SOX6: variants seen among roughly 807,000 people sequenced by gnomAD.
SOX6 encodes the protein transcription factor SOX-6.
SOX6 carries 11 observed loss-of-function variants against 97.8 expected under a neutral mutation model. That is an observed-to-expected ratio of 0.11 (90% CI 0.07 to 0.19). SOX6 has a LOEUF of 0.19. Among genes scored for constraint, SOX6 ranks in the 10% least tolerant of loss-of-function variants. The pLI is 1.00. For missense variants in SOX6, 810 were observed against 1,039.5 expected (o/e 0.78, Z 3.04); for synonymous variants, 360 against 371.4 (o/e 0.97, Z 0.35).
At chr11:16,013,020 T>C (rs933818391) in intron 13 of SOX6, among the ~76,000 whole-genome samples, 1 of 152,064 alleles carries the variant, frequency 6.6e-6, no homozygotes, top group African/African-American at 2.4e-5. Flanking sequence ...CTTTTTCCTC[T>C]TATATAGTTA....
chr11:16,318,328 C>G, intron 3 of SOX6, 118 bp downstream of exon 3: 1 of 1,089,446 alleles, frequency 9.2e-7, no homozygotes, highest in South Asian at 1.3e-5. Context: ...TAACTTTTTC[C>G]TAGCTAGTGA....
At chr11:16,115,728 C>T (rs1223598036) in intron 6 of SOX6, among the ~76,000 whole-genome samples, 5 of 152,174 alleles carry the variant, frequency 3.3e-5, no homozygotes, top group Admixed American at 2.6e-4. Flanking sequence ...TTTTCCATTA[C>T]ATCAGAGGGA....
intron 1 of SOX6, among the ~76,000 whole-genome samples, chr11:16,423,773 T>C (rs1859067912): frequency 6.6e-6 from 1 of 152,112 alleles, no homozygotes; most frequent in Non-Finnish European, 1.5e-5. Context: ...ATGAGATCCA[T>C]CCATGTAGAG....
intron 15 of SOX6, among the ~76,000 whole-genome samples, chr11:15,978,570 C>T (rs890671038): frequency 2.6e-5 from 4 of 151,320 alleles, no homozygotes; most frequent in East Asian, 2.0e-4. Flanking sequence ...ATCTAAGCAC[C>T]GAAGTCCCCA....
chr11:16,123,648 C>T (rs1369988644), intron 6 of SOX6, among the ~76,000 whole-genome samples: 1 of 151,932 alleles, frequency 6.6e-6, no homozygotes, highest in South Asian at 2.1e-4. Flanking sequence ...TAACCTGCAA[C>T]CCCTGACCTC....
chr11:16,591,733 A>C (rs1848156184), intron 4 of SOX6, among the ~76,000 whole-genome samples: 1 of 152,144 alleles, frequency 6.6e-6, no homozygotes, highest in African/African-American at 2.4e-5. Context: ...ATTGGCAAAA[A>C]CAACTAATTG....
chr11:16,295,186 A>T (rs12291741), intron 3 of SOX6, among the ~76,000 whole-genome samples: 15,451 of 152,094 alleles, frequency 0.1, 825 homozygotes, highest in African/African-American at 0.12. Flanking sequence ...AATTCATCCT[A>T]TGCTATTTTT....
chr11:16,729,529 T>C (rs1238697493), intron 2 of SOX6, among the ~76,000 whole-genome samples: 1 of 152,190 alleles, frequency 6.6e-6, no homozygotes, highest in Non-Finnish European at 1.5e-5. Context: ...AAGCAAATGC[T>C]GAGAGATTTT....
chr11:16,046,991 G>A (rs887208213), intron 11 of SOX6, among the ~76,000 whole-genome samples: 1 of 152,040 alleles, frequency 6.6e-6, no homozygotes, highest in Non-Finnish European at 1.5e-5. Flanking sequence ...TACATATTGG[G>A]GGAAGGTATT....
intron 2 of SOX6, among the ~76,000 whole-genome samples, chr11:16,734,409 C>T (rs1393267564): frequency 6.6e-6 from 1 of 152,118 alleles, no homozygotes; most frequent in Non-Finnish European, 1.5e-5. Flanking sequence ...CATTTTTTCC[C>T]TTTGCTTCAA....
intron 4 of SOX6, among the ~76,000 whole-genome samples, chr11:16,209,025 C>G (rs1318511672): frequency 1.3e-5 from 2 of 152,210 alleles, no homozygotes; most frequent in South Asian, 2.1e-4. Context: ...TACACTTCAA[C>G]CAAAACAACA....
intron 3 of SOX6, among the ~76,000 whole-genome samples, chr11:16,290,323 T>C (rs1054986446): frequency 1.3e-5 from 2 of 152,106 alleles, no homozygotes; most frequent in African/African-American, 2.4e-5. Flanking sequence ...AAATCATCCA[T>C]TTTATGACAC....
chr11:16,473,531 G>A (rs1860179190), intron 1 of SOX6, among the ~76,000 whole-genome samples: 1 of 151,104 alleles, frequency 6.6e-6, no homozygotes, highest in African/African-American at 2.4e-5. Flanking sequence ...AGGTTGGAGT[G>A]GCTGTGGGCT....
At chr11:16,328,730 T>C (rs1484365044) in intron 2 of SOX6, among the ~76,000 whole-genome samples, 1 of 152,194 alleles carries the variant, frequency 6.6e-6, no homozygotes, top group Non-Finnish European at 1.5e-5. Flanking sequence ...TCTACTATAG[T>C]GTTATTGACT....
chr11:16,389,949 G>A (rs1025997155), intron 1 of SOX6, among the ~76,000 whole-genome samples: 2 of 107,716 alleles, frequency 1.9e-5, no homozygotes, highest in South Asian at 3.3e-4. Context: ...TAGCCTGGGC[G>A]ACAGGGCAAG....
At chr11:16,036,498 A>T (rs1046768044) in intron 12 of SOX6, among the ~76,000 whole-genome samples, 1 of 152,228 alleles carries the variant, frequency 6.6e-6, no homozygotes, top group Non-Finnish European at 1.5e-5. Flanking sequence ...TTCATATTTC[A>T]TATCTCTAAA....
At chr11:16,221,976 C>T (rs956087580) in intron 4 of SOX6, among the ~76,000 whole-genome samples, 2 of 152,026 alleles carry the variant, frequency 1.3e-5, no homozygotes, top group Non-Finnish European at 2.9e-5. Context: ...TGCCACTTGC[C>T]AAATTTGGTG....
rs114611561 is a variant in SOX6 at position 16,676,208 on chromosome 11, T to C, written n.429+38622A>G. Among the ~76,000 whole-genome samples the C allele has an allele frequency of 2.5e-3, 379 of 152,366 alleles. 2 individuals carry two copies. Among genetic ancestry groups the C allele is most frequent in the African/African-American group, 8.8e-3 (366 of 41,588 alleles). On this transcript the variant is annotated intron_variant and non_coding_transcript_variant, in intron 3 of 5. Transcript: ENST00000524520. ...TTGCACACTTCTTGTGAATTTCTCA[T>C]TTCAGTTATTATGCTTCTCAACACC...
At chr11:16,469,988 TA>T (rs1355865173) in intron 1 of SOX6, among the ~76,000 whole-genome samples, 10 of 152,192 alleles carry the variant, frequency 6.6e-5, no homozygotes, top group Admixed American at 3.9e-4. Context: ...ATGTAATGGG[TA>T]TACACATTCA....
Sources: gnomAD v4.1 joint callset for allele counts (sites outside exome capture counted in the v4.1 genomes callset) on GRCh38, gnomAD v4.1.1 for gene constraint, MANE v1.5 for transcripts, NCBI Gene and HGNC (gene_info 2026-07-23, HGNC 2026-07-21) for gene names.